The following BBS9 variants were observed in gnomAD, a reference collection of about 807,000 sequenced individuals.
The protein encoded by BBS9 is protein PTHB1.
BBS9 carries 89 observed loss-of-function variants against 117.7 expected under a neutral mutation model. The ratio of observed to expected loss-of-function variants is 0.76; its 90% CI spans 0.64 to 0.90. BBS9 has a LOEUF of 0.90. BBS9 is among the 40% of genes least tolerant of loss of function. BBS9 has a pLI of 0.00. For missense variants in BBS9, 982 were observed against 1,042.2 expected, an observed-to-expected ratio of 0.94 and a Z score of 0.80; for synonymous variants, 379 against 370.9, an observed-to-expected ratio of 1.02 and a Z score of -0.25.
intron 21 of BBS9, among the ~76,000 whole-genome samples, chr7:33,626,790 T>C (rs1865656158): frequency 6.6e-6 from 1 of 152,170 alleles, no homozygotes; most frequent in African/African-American, 2.4e-5. Context: ...CAGCAAAGCA[T>C]TAAATATGTT....
intron 5 of BBS9, among the ~76,000 whole-genome samples, chr7:33,232,660 C>G (rs908656993): frequency 6.6e-6 from 1 of 151,972 alleles, no homozygotes; most frequent in East Asian, 1.9e-4. Flanking sequence ...ATGAATTATC[C>G]ATTTGTGAGA....
At chr7:33,545,252 A>C (rs1290329017) in intron 21 of BBS9, among the ~76,000 whole-genome samples, 3 of 152,140 alleles carry the variant, frequency 2.0e-5, no homozygotes, top group Non-Finnish European at 4.4e-5. Context: ...ATTGTTACAA[A>C]GTTCAGCTAG....
intron 5 of BBS9, among the ~76,000 whole-genome samples, chr7:33,211,672 C>T (rs1218866510): frequency 6.6e-6 from 1 of 152,166 alleles, no homozygotes; most frequent in South Asian, 2.1e-4. Flanking sequence ...TGTGTCCTTA[C>T]TATTGCCAAT....
chr7:33,337,971 T>C (rs1476318708), intron 10 of BBS9, among the ~76,000 whole-genome samples: 2 of 151,992 alleles, frequency 1.3e-5, no homozygotes, highest in East Asian at 3.8e-4. Flanking sequence ...TCTCAGAAAA[T>C]CCCTTACAGC....
At chr7:33,497,843 T>A (rs1475982414) in intron 19 of BBS9, among the ~76,000 whole-genome samples, 2 of 152,200 alleles carry the variant, frequency 1.3e-5, no homozygotes, top group African/African-American at 4.8e-5. Flanking sequence ...TCAGCTATCC[T>A]GCCTAACTTT....
chr7:33,244,622 G>A (rs926415781), intron 5 of BBS9, among the ~76,000 whole-genome samples: 3 of 152,114 alleles, frequency 2.0e-5, no homozygotes, highest in African/African-American at 7.2e-5. Context: ...TCTATGTACT[G>A]TACCAGGTAG....
intron 16 of BBS9, among the ~76,000 whole-genome samples, chr7:33,364,309 A>G (rs984907918): frequency 6.6e-6 from 1 of 152,148 alleles, no homozygotes; most frequent in Non-Finnish European, 1.5e-5. Context: ...ATCTATGTTC[A>G]TGAGAGAAAT....
intron 19 of BBS9, among the ~76,000 whole-genome samples, chr7:33,476,225 T>TAGGGAGGTTTTAAATCTTGGCTTAGG (rs1841783923): frequency 1.3e-5 from 2 of 151,792 alleles, no homozygotes; most frequent in Admixed American, 1.3e-4. Flanking sequence ...TTTATGGACT[T>TAGGGAGGTTTTAAATCTTGGCTTAGG]TTTTTTTGGC....
chr7:33,177,416 G>T, intron 4 of BBS9, 62 bp from the exon 5 acceptor site: 2 of 1,122,478 alleles, frequency 1.8e-6, no homozygotes, highest in South Asian at 1.2e-5. Context: ...TAGTGGATGA[G>T]AACAAATTAA....
chr7:33,411,211 G>A (rs1016723250), intron 19 of BBS9, among the ~76,000 whole-genome samples: 5 of 152,068 alleles, frequency 3.3e-5, no homozygotes, highest in Non-Finnish European at 5.9e-5. Context: ...CTTCATAAAA[G>A]TAATTGGATT....
At chr7:33,384,596 C>T (rs1261688262) in intron 18 of BBS9, among the ~76,000 whole-genome samples, 2 of 152,040 alleles carry the variant, frequency 1.3e-5, no homozygotes, top group African/African-American at 4.8e-5. Context: ...AAACACTCTA[C>T]AGACAATACA....
At chr7:33,607,881 T>TC (rs1864667071), downstream of BBS9, among the ~76,000 whole-genome samples, 2 of 137,830 alleles carry the variant, frequency 1.5e-5, no homozygotes, top group Admixed American at 1.4e-4. Context: ...GATAGCTCTC[T>TC]TTTTTTTTTT....
At chr7:33,521,718 T>C (rs1848625854) in intron 20 of BBS9, among the ~76,000 whole-genome samples, 2 of 152,084 alleles carry the variant, frequency 1.3e-5, no homozygotes. Flanking sequence ...TTATTTTCTA[T>C]TTTACATTCA....
At chr7:33,623,558 A>G (rs1865508615) in intron 21 of BBS9, among the ~76,000 whole-genome samples, 1 of 151,040 alleles carries the variant, frequency 6.6e-6, no homozygotes, top group Admixed American at 6.6e-5. Flanking sequence ...GCCCAATAGG[A>G]ATTTTGAGAA....
chr7:33,415,696 T>C (rs1831884942), intron 19 of BBS9, among the ~76,000 whole-genome samples: 1 of 152,170 alleles, frequency 6.6e-6, no homozygotes, highest in Non-Finnish European at 1.5e-5. Flanking sequence ...CTTCTTAGCT[T>C]TACTTAAACA....
At chr7:33,446,883 A>G (rs1403078671) in intron 19 of BBS9, among the ~76,000 whole-genome samples, 1 of 152,192 alleles carries the variant, frequency 6.6e-6, no homozygotes, top group Non-Finnish European at 1.5e-5. Flanking sequence ...CAAAGCCTGA[A>G]TATGTGGAGA....
At chr7:33,525,778 T>A (rs1357748376) in intron 20 of BBS9, among the ~76,000 whole-genome samples, 1 of 135,014 alleles carries the variant, frequency 7.4e-6, no homozygotes, top group African/African-American at 2.9e-5. Flanking sequence ...TGTGTGAATT[T>A]GATCCTGTCA....
intron 19 of BBS9, among the ~76,000 whole-genome samples, chr7:33,469,197 C>T (rs771219224): frequency 7.2e-5 from 11 of 152,094 alleles, no homozygotes; most frequent in Non-Finnish European, 7.4e-5. Context: ...TTTGCCAAAC[C>T]ACTTTAGCCC....
At chr7:33,547,964 G>A (rs1477180045) in intron 21 of BBS9, among the ~76,000 whole-genome samples, 1 of 152,138 alleles carries the variant, frequency 6.6e-6, no homozygotes, top group Non-Finnish European at 1.5e-5. Flanking sequence ...GAAGCAATTA[G>A]GAGCAACTGT....
Sources: allele counts gnomAD v4.1 joint callset (sites outside exome capture counted in the v4.1 genomes callset), GRCh38; gene constraint gnomAD v4.1.1; transcripts MANE v1.5; gene names NCBI Gene and HGNC (gene_info 2026-07-23, HGNC 2026-07-21).